TCF4: variants seen among roughly 807,000 people sequenced by gnomAD.
TCF4 encodes the protein SL3-3 enhancer factor 2.
In TCF4, 3 loss-of-function variants were observed where a neutral mutation model predicts 82.1. The observed-to-expected ratio is 0.04, with a 90% confidence interval of 0.02 to 0.09. The LOEUF (loss-of-function observed/expected upper bound fraction) is 0.09, where lower values mean the gene tolerates loss of function less well. Among genes scored for constraint, TCF4 ranks in the 10% least tolerant of loss-of-function variants. The pLI is 1.00. For synonymous variants in TCF4, 276 were observed against 309.6 expected (o/e 0.89, Z 1.14); for missense variants, 518 against 852.7 (o/e 0.61, Z 4.89).
chr18:55,539,662 G>A (rs1049433303), intron 3 of TCF4, among the ~76,000 whole-genome samples: 5 of 152,024 alleles, frequency 3.3e-5, no homozygotes, highest in Non-Finnish European at 7.4e-5. Context: ...GAGGATTAGT[G>A]CCCCCAAGAT....
At chr18:55,515,735 A>T (rs2096874886) in intron 3 of TCF4, among the ~76,000 whole-genome samples, 1 of 152,192 alleles carries the variant, frequency 6.6e-6, no homozygotes, top group African/African-American at 2.4e-5. Flanking sequence ...CATTATATAC[A>T]GAATGTCGTG....
chr18:55,498,589 G>A (rs8096806), intron 3 of TCF4, among the ~76,000 whole-genome samples: 4,967 of 152,236 alleles, frequency 0.033, 271 homozygotes, highest in African/African-American at 0.11. Context: ...AGATGACTTC[G>A]TGAATCCCCC....
At position 55,232,677 on chromosome 18, in the gene TCF4, GA is replaced by G; in HGVS notation, c.1487-7del. ...CTGTAGTCCTGGTGGCATGCCTGCCGAAAAAGAGAAATCAGGTGACATGTAC... is the reference window on the plus strand; with the variant it reads ...CTGTAGTCCTGGTGGCATGCCTGCCGAAAAGAGAAATCAGGTGACATGTAC... On this transcript the variant is annotated splice_region_variant and splice_polypyrimidine_tract_variant and intron_variant, in intron 16 of 19. Transcript: ENST00000354452. 1 of 1,614,024 alleles carries G rather than the reference GA, an allele frequency of 6.2e-7. No homozygotes were observed. Among genetic ancestry groups the G allele is most frequent in the African/African-American group, 1.3e-5 (1 of 75,034 alleles).
chr18:55,330,725 C>T (rs1039176030), intron 8 of TCF4, among the ~76,000 whole-genome samples: 21 of 151,406 alleles, frequency 1.4e-4, no homozygotes, highest in East Asian at 2.0e-4. Flanking sequence ...ACCACTACCA[C>T]GCCTGGCTAA....
At position 55,257,354 on chromosome 18, in the gene TCF4, G is replaced by A. The variant is rs1289141717; in HGVS notation, c.1107C>T (p.Ala369=). ...GTCCTTCATAATTAGGAGACGATGA[G>A]GCCTGTCCTCCATTTCTAGACCAAA... The part of the protein sequence containing the change: ...TAVWSRNGGQ[A]SSSPNYEGPL... Residue 369 remains alanine (A), a synonymous_variant, in exon 14 of 20, where the codon GCC becomes GCT. Transcript: ENST00000354452. The A allele has an allele frequency of 6.2e-7, 1 of 1,613,728 alleles. No homozygotes were observed. Among genetic ancestry groups the A allele is most frequent in the Non-Finnish European group, 8.5e-7 (1 of 1,179,742 alleles).
chr18:55,463,142 T>C (rs1007953237), intron 4 of TCF4, among the ~76,000 whole-genome samples: 1 of 152,202 alleles, frequency 6.6e-6, no homozygotes, highest in Non-Finnish European at 1.5e-5. Flanking sequence ...GGTTTTACCA[T>C]GTACACGAAG....
chr18:55,497,951 G>C (rs2096655764), intron 3 of TCF4, among the ~76,000 whole-genome samples: 2 of 152,094 alleles, frequency 1.3e-5, no homozygotes, highest in Non-Finnish European at 2.9e-5. Context: ...CATCACAGTG[G>C]AATACACAAA....
At chr18:55,343,249 T>C (rs192097302) in intron 8 of TCF4, among the ~76,000 whole-genome samples, 3 of 152,274 alleles carry the variant, frequency 2.0e-5, no homozygotes, top group Non-Finnish European at 2.9e-5. Flanking sequence ...TGCCAACATA[T>C]GGCAACACAC....
chr18:55,354,117 G>A (rs2082914062), intron 6 of TCF4, among the ~76,000 whole-genome samples: 1 of 152,116 alleles, frequency 6.6e-6, no homozygotes, highest in Non-Finnish European at 1.5e-5. Flanking sequence ...AGTGTGATGA[G>A]ACAAGCCCTT....
chr18:55,356,355 A>G (rs1360249210), intron 6 of TCF4, among the ~76,000 whole-genome samples: 1 of 152,222 alleles, frequency 6.6e-6, no homozygotes, highest in East Asian at 1.9e-4. Context: ...GCCTAGAGCT[A>G]CACTGGCAAC....
chr18:55,362,339 G>GGAAGGAAGGAAGGAAGGAAGGAAGGA (rs1188160658), intron 6 of TCF4, among the ~76,000 whole-genome samples: 1 of 68,564 alleles, frequency 1.5e-5, no homozygotes, highest in Non-Finnish European at 2.6e-5. Flanking sequence ...AAAAAAAAAA[G>GGAAGGAAGGAAGGAAGGAAGGAAGGA]AGGAAGGAAG....
intron 11 of TCF4, chr18:55,266,675 A>G (rs1387336645): frequency 1.3e-5 from 2 of 152,242 alleles, no homozygotes; most frequent in East Asian, 1.9e-4. Flanking sequence ...AAAATCTCTC[A>G]TTAATGTAAT....
chr18:55,631,813 T>A (rs1443357461), intron 1 of TCF4, among the ~76,000 whole-genome samples: 7 of 152,200 alleles, frequency 4.6e-5, no homozygotes, highest in Admixed American at 6.5e-5. Context: ...ACCAACCTCG[T>A]TGCATCCCTC....
At chr18:55,608,831 A>G (rs182428530) in intron 2 of TCF4, among the ~76,000 whole-genome samples, 27 of 152,296 alleles carry the variant, frequency 1.8e-4, no homozygotes, top group Middle Eastern at 3.4e-3. Flanking sequence ...ACATTAATGT[A>G]TACAAATGCC....
chr18:55,534,080 C>CTGAA (rs1446833667), intron 3 of TCF4, among the ~76,000 whole-genome samples: 4 of 152,118 alleles, frequency 2.6e-5, no homozygotes, highest in Non-Finnish European at 5.9e-5. Flanking sequence ...TCATATGCAG[C>CTGAA]TTCATGTATA....
At chr18:55,258,290 T>C (rs1028974467) in intron 13 of TCF4, among the ~76,000 whole-genome samples, 15 of 152,150 alleles carry the variant, frequency 9.9e-5, no homozygotes, top group African/African-American at 3.4e-4. Flanking sequence ...TGTCCCCATA[T>C]TTGCATCTTC....
chr18:55,256,922 C>A (rs2056979013), intron 14 of TCF4, among the ~76,000 whole-genome samples: 1 of 152,134 alleles, frequency 6.6e-6, no homozygotes. Flanking sequence ...TCCTGTAAAC[C>A]TGTTATTCTG....
At chr18:55,588,663 C>T, upstream of TCF4, 1 of 1,321,192 alleles carries the variant, frequency 7.6e-7, no homozygotes, top group Non-Finnish European at 9.7e-7. Flanking sequence ...TGCAAATACA[C>T]GTGATGCAAA....
At chr18:55,276,642 A>G (rs1301424252) in intron 9 of TCF4, among the ~76,000 whole-genome samples, 1 of 152,214 alleles carries the variant, frequency 6.6e-6, no homozygotes, top group Admixed American at 6.5e-5. Flanking sequence ...GATGATCTAC[A>G]TTACTGCTAA....
Sources: gnomAD v4.1 joint callset for allele counts (sites outside exome capture counted in the v4.1 genomes callset) on GRCh38, gnomAD v4.1.1 for gene constraint, MANE v1.5 for transcripts, NCBI Gene and HGNC (gene_info 2026-07-23, HGNC 2026-07-21) for gene names.